The following EDAR variants were observed in gnomAD, a reference collection of about 807,000 sequenced individuals.
EDAR encodes the protein tumor necrosis factor receptor superfamily member EDAR.
EDAR carries 38 observed loss-of-function variants against 51.3 expected under a neutral mutation model. That is an observed-to-expected ratio of 0.74 (90% CI 0.57 to 0.97). The LOEUF is 0.97. Ranked by LOEUF, EDAR falls within the 50% of genes least tolerant of loss-of-function variation. The probability of loss-of-function intolerance (pLI) is 0.00; values close to 1 mark genes in which losing one functional copy is unlikely to be tolerated. For synonymous variants in EDAR, 227 were observed against 242.1 expected (o/e 0.94, Z 0.58); for missense variants, 528 against 595.0 (o/e 0.89, Z 1.17).
In EDAR at chr2:108,969,542, T is replaced by A. The variant is rs571034810; in HGVS notation, c.-19+19418A>T. On this transcript the variant is annotated intron_variant, in intron 1 of 11. Transcript: ENST00000258443. ...GCATGAAGCAGACCTTTATATGCTA[T>A]TCAGGGAGGGCTGTAAAATGGGGGT... Among the ~76,000 whole-genome samples the A allele has an allele frequency of 2.0e-5, 3 of 152,382 alleles. No individual in the cohort carries two copies. The South Asian group carries it at 6.2e-4, about 32-fold the overall frequency.
Position 108,894,492 on chromosome 2 carries a change from GATT to G in EDAR, c.*2412_*2414del, listed in dbSNP as rs1696541102. 6.6e-6 allele frequency: 1 copy of G among 152,208 alleles called. No individual in the cohort carries two copies. Among genetic ancestry groups the G allele is most frequent in the Non-Finnish European group, 1.5e-5 (1 of 67,996 alleles). The allele number at this position is 152,208 out of a possible 1,614,324, so 9.4% of individuals were successfully genotyped here. On this transcript the variant is annotated 3_prime_UTR_variant, in exon 12 of 12. Coordinates refer to ENST00000258443, the MANE Select transcript of EDAR (RefSeq NM_022336.4). ...TAAATCTTATTAATGTGTTTATTGA[GATT>G]ATAAAATATAATAAGTTATATATAT...
intron 1 of EDAR, among the ~76,000 whole-genome samples, chr2:108,986,864 A>G (rs1698508549): frequency 1.3e-5 from 2 of 152,222 alleles, no homozygotes; most frequent in Non-Finnish European, 2.9e-5. Flanking sequence ...TACTCACAGG[A>G]AAGGCTGGCT....
chr2:108,934,821 A>G (rs58546108), intron 1 of EDAR, among the ~76,000 whole-genome samples: 1,657 of 152,294 alleles, frequency 0.011, 31 homozygotes, highest in African/African-American at 0.037. Context: ...TTCACTGGGG[A>G]TTAAGGGATT....
intron 5 of EDAR, among the ~76,000 whole-genome samples, chr2:108,915,309 G>A (rs530700432): frequency 2.6e-4 from 40 of 152,328 alleles, no homozygotes; most frequent in South Asian, 6.2e-4. Context: ...CTATCCACTC[G>A]TGTCTGCTCT....
chr2:108,925,968 C>T (rs995120040), intron 4 of EDAR, among the ~76,000 whole-genome samples: 1 of 152,156 alleles, frequency 6.6e-6, no homozygotes, highest in Non-Finnish European at 1.5e-5. Context: ...ATGAAACTGT[C>T]CTTCCTCACC....
chr2:108,941,148 C>A (rs916202608), intron 1 of EDAR, among the ~76,000 whole-genome samples: 1 of 152,196 alleles, frequency 6.6e-6, no homozygotes, highest in Non-Finnish European at 1.5e-5. Context: ...GATGCGTCTG[C>A]GTTGTGGGAA....
Position 108,923,792 on chromosome 2 carries a change from G to GC in EDAR, c.357-340dup, listed in dbSNP as rs903324300. On this transcript the variant is annotated intron_variant, in intron 4 of 11. Transcript: ENST00000258443. ...TGCCCCCACATGTAGGGCCTGCTTA[G>GC]CCCCCCAGGGGTCACACCAACCAAG... Among the ~76,000 whole-genome samples the GC allele has an allele frequency of 5.3e-5, 8 of 152,200 alleles. No individual in the cohort carries two copies. The South Asian group carries it at 1.2e-3, about 24-fold the overall frequency.
chr2:108,911,061 G>C lies in EDAR; in HGVS notation c.541C>G (p.Gln181Glu). ...ATCAGGGCAGTGGCCAGGTGTCCTT[G>C]GCCTGAGAGTTCTGTGGGTGGAGAG... ...FQHAHKELSG[Q>E]GHLATALIIA... is the part of the protein sequence containing the mutation. The change falls in exon 7 of 12, where the codon CAA becomes GAA. Residue 181 changes from glutamine to glutamate, a missense_variant. Transcript: ENST00000258443. The C allele has an allele frequency of 6.2e-7, 1 of 1,614,158 alleles. No individual in the cohort carries two copies. Among genetic ancestry groups the C allele is most frequent in the South Asian group, 1.1e-5 (1 of 91,074 alleles).
Position 108,910,805 on chromosome 2 carries a change from C to T in EDAR, c.701G>A (p.Ser234Asn), listed in dbSNP as rs781294991. 1 of 1,613,932 alleles carries T rather than the reference C, an allele frequency of 6.2e-7. No homozygotes were observed. The highest frequency in any genetic ancestry group is 8.5e-7 in the Non-Finnish European group (1 of 1,180,024). ...GGCCTCTTTCTTCTCCTCGTCCTTG[C>T]TCACTTGGGCCTCCACGCTCTTCCC... ...HPGKSVEAQV[S>N]KDEEKKEAPD... is the part of the protein sequence containing the mutation. The change falls in exon 8 of 12, where the codon AGC becomes AAC. Residue 234 changes from serine to asparagine, a missense_variant. Transcript: ENST00000258443.
chr2:108,928,825 AGTGTTCCC>A (rs927927682), intron 4 of EDAR, among the ~76,000 whole-genome samples: 4 of 152,228 alleles, frequency 2.6e-5, no homozygotes, highest in African/African-American at 9.7e-5. Context: ...GCTTCCCCAG[AGTGTTCCC>A]AGGATACTAA....
rs372149230 is a variant in EDAR at position 108,941,891 on chromosome 2, G to A, written c.-18-10859C>T. Among the ~76,000 whole-genome samples the A allele has an allele frequency of 9.2e-5, 14 of 152,062 alleles. 1 individual carries two copies. The highest frequency in any genetic ancestry group is 5.8e-4 in the East Asian group (3 of 5,170). ...TGTATGCCCAAGGAGGCCAGTGCCC[G>A]ACAGCAGGTGGGAGCTTATCAGGTC... On this transcript the variant is annotated intron_variant, in intron 1 of 11. Coordinates refer to ENST00000258443, the MANE Select transcript of EDAR (RefSeq NM_022336.4).
At chr2:108,936,426 AGGCAAGGTGCT>A (rs1254946527) in intron 1 of EDAR, among the ~76,000 whole-genome samples, 4 of 152,114 alleles carry the variant, frequency 2.6e-5, no homozygotes, top group African/African-American at 9.7e-5. Context: ...CCATGGCGGG[AGGCAAGGTGCT>A]GGCAACTGCC....
rs76700056 is a variant in EDAR at position 108,951,371 on chromosome 2, T to C, written c.-18-20339A>G. On this transcript the variant is annotated intron_variant, in intron 1 of 11. Transcript: ENST00000258443. ...TGAACCATCAGTTATTTCTGTTAGC[T>C]GGGCAGCATTGTGTCCAAGGTCATA... Among the ~76,000 whole-genome samples, 1,191 of 152,336 alleles carry C rather than the reference T, an allele frequency of 7.8e-3. 9 individuals carry two copies. Among genetic ancestry groups the C allele is most frequent in the South Asian group, 0.029 (139 of 4,828 alleles).
At chr2:108,974,174 C>CA in intron 1 of EDAR, among the ~76,000 whole-genome samples, 1 of 149,874 alleles carries the variant, frequency 6.7e-6, no homozygotes, top group East Asian at 2.0e-4. Context: ...CTAAAAAATA[C>CA]AAAAAATTAG....
intron 1 of EDAR, among the ~76,000 whole-genome samples, chr2:108,939,047 G>C (rs764975731): frequency 1.3e-5 from 2 of 151,744 alleles, no homozygotes; most frequent in African/African-American, 2.4e-5. Flanking sequence ...CAAAGTGCTG[G>C]GATTACAGGC....
At chr2:108,916,165 AT>A (rs1175669006) in intron 5 of EDAR, among the ~76,000 whole-genome samples, 2 of 152,146 alleles carry the variant, frequency 1.3e-5, no homozygotes, top group African/African-American at 4.8e-5. Context: ...AATTTCCTTT[AT>A]AAGAGCAAAC....
intron 1 of EDAR, among the ~76,000 whole-genome samples, chr2:108,956,866 G>A (rs566995233): frequency 3.3e-5 from 5 of 151,490 alleles, no homozygotes; most frequent in East Asian, 3.9e-4. Context: ...TCAGCACACC[G>A]CAACCTCCAC....
chr2:108,901,022 A>T (rs1221148372), intron 11 of EDAR, among the ~76,000 whole-genome samples: 3 of 152,228 alleles, frequency 2.0e-5, no homozygotes, highest in Admixed American at 2.0e-4. Context: ...ACTTACCAAC[A>T]TCATCAACCA....
At chr2:108,974,191 G>A (rs1037341307) in intron 1 of EDAR, among the ~76,000 whole-genome samples, 16 of 151,602 alleles carry the variant, frequency 1.1e-4, no homozygotes, top group African/African-American at 2.4e-4. Context: ...TTAGCTGGGC[G>A]TGGTGGCAGG....
Sources: allele counts gnomAD v4.1 joint callset (sites outside exome capture counted in the v4.1 genomes callset), GRCh38; gene constraint gnomAD v4.1.1; transcripts MANE v1.5; gene names NCBI Gene and HGNC (gene_info 2026-07-23, HGNC 2026-07-21).